SLC25A13: variants seen among roughly 807,000 people sequenced by gnomAD.
SLC25A13 encodes the protein electrogenic aspartate/glutamate antiporter SLC25A13, mitochondrial.
Under a neutral mutation model 85.5 loss-of-function variants are expected in SLC25A13, and 70 were observed. The ratio of observed to expected loss-of-function variants is 0.82; its 90% confidence interval spans 0.68 to 1.00. The LOEUF (loss-of-function observed/expected upper bound fraction) is 1.00, where lower values mean the gene tolerates loss of function less well. Ranked by LOEUF, SLC25A13 falls within the 50% of genes least tolerant of loss-of-function variation. The pLI is 0.00. For missense variants in SLC25A13, 765 were observed against 819.8 expected, an observed-to-expected ratio of 0.93 and a Z score of 0.82; for synonymous variants, 259 against 288.7, an observed-to-expected ratio of 0.90 and a Z score of 1.04.
intron 3 of SLC25A13, among the ~76,000 whole-genome samples, chr7:96,248,285 T>G (rs1797281444): frequency 6.6e-6 from 1 of 152,160 alleles, no homozygotes; most frequent in South Asian, 2.1e-4. Context: ...CTACCCGAAT[T>G]TATTTTCTTA....
chr7:96,293,851 C>T (rs1261439494), intron 2 of SLC25A13, among the ~76,000 whole-genome samples: 3 of 152,168 alleles, frequency 2.0e-5, no homozygotes, highest in Non-Finnish European at 4.4e-5. Context: ...ACTAGTTCAA[C>T]CATTGTGGAA....
intron 5 of SLC25A13, among the ~76,000 whole-genome samples, chr7:96,206,703 T>C (rs547892732): frequency 6.6e-6 from 1 of 152,224 alleles, no homozygotes; most frequent in South Asian, 2.1e-4. Flanking sequence ...CTGTGGGATG[T>C]TTCCATTTAC....
chr7:96,307,625 A>G (rs1584603345), intron 1 of SLC25A13, among the ~76,000 whole-genome samples: 1 of 152,146 alleles, frequency 6.6e-6, no homozygotes, highest in Non-Finnish European at 1.5e-5. Flanking sequence ...GCATAAATGA[A>G]ACAATATTGA....
chr7:96,315,339 T>C (rs970169313), intron 1 of SLC25A13, among the ~76,000 whole-genome samples: 4 of 152,226 alleles, frequency 2.6e-5, no homozygotes, highest in African/African-American at 9.6e-5. Context: ...TCAAAAATCC[T>C]GAGGCTCAGG....
At chr7:96,229,553 C>T (rs575210986) in intron 4 of SLC25A13, among the ~76,000 whole-genome samples, 3 of 152,292 alleles carry the variant, frequency 2.0e-5, no homozygotes, top group South Asian at 4.1e-4. Flanking sequence ...ATAAATCTTG[C>T]TGCTGCTCAC....
At chr7:96,177,596 T>G (rs1794272653) in intron 11 of SLC25A13, among the ~76,000 whole-genome samples, 1 of 152,214 alleles carries the variant, frequency 6.6e-6, no homozygotes, top group South Asian at 2.1e-4. Context: ...ATGATGCCAT[T>G]TTCACGGGGT....
At chr7:96,155,945 G>A (rs914961835) in intron 13 of SLC25A13, among the ~76,000 whole-genome samples, 1 of 152,172 alleles carries the variant, frequency 6.6e-6, no homozygotes, top group African/African-American at 2.4e-5. Context: ...TCTAACCCAC[G>A]CTCAGAACCA....
At chr7:96,300,920 C>G (rs1012711847) in intron 1 of SLC25A13, among the ~76,000 whole-genome samples, 1 of 152,194 alleles carries the variant, frequency 6.6e-6, no homozygotes, top group African/African-American at 2.4e-5. Context: ...TCCATTTATA[C>G]TGCTACCTCC....
chr7:96,208,964 T>G lies in SLC25A13; in HGVS notation c.342A>C (p.Gln114His), dbSNP rs1795575484. ...KGEVTFEDVK[Q>H]VFGQTTIHQH... Reference sequence around the variant, plus strand: ...GATGAATTGTGGTCTGTCCAAAAACTTGCTTAACATCCTCTGAAAAGAGAA... The same window carrying G: ...GATGAATTGTGGTCTGTCCAAAAACGTGCTTAACATCCTCTGAAAAGAGAA... Residue 114 changes from glutamine to histidine, a missense_variant, in exon 5 of 18, where the codon CAA becomes CAC. Physicochemically the swap from Gln to His is conservative, Grantham distance 24. Transcript: ENST00000265631. 1.2e-6 allele frequency: 2 copies of G among 1,613,986 alleles called. No homozygotes were observed. Among genetic ancestry groups the G allele is most frequent in the Admixed American group, 1.7e-5 (1 of 59,992 alleles).
rs757317844 is a variant in SLC25A13, at chr7:96,121,274, C to G, written c.1945G>C (p.Gly649Arg). The G allele has an allele frequency of 8.2e-5, 133 of 1,614,000 alleles. No individual in the cohort carries two copies. Among genetic ancestry groups the G allele is most frequent in the Middle Eastern group, 4.9e-4 (3 of 6,084 alleles). ...TAAAGTCCAAATTTGTTTTCAATCC[C>G]TGCAAATGTAGCAACTGCCAGTTTG... ...GYKLAVATFA[G>R]IENKFGLYLP... The change falls in exon 18 of 18, where the codon GGG becomes CGG. Residue 649 changes from glycine to arginine, a missense_variant. Gly to Arg is a moderately radical substitution (Grantham distance 125). Coordinates refer to ENST00000265631, the MANE Select transcript of SLC25A13 (RefSeq NM_014251.3).
intron 2 of SLC25A13, among the ~76,000 whole-genome samples, chr7:96,281,376 T>C (rs1584559082): frequency 1.6e-5 from 2 of 128,466 alleles, no homozygotes; most frequent in South Asian, 4.7e-4. Context: ...GGGCAACAAG[T>C]GCAAAACTCC....
chr7:96,148,976 CTGA>C (rs1456379140), intron 13 of SLC25A13, among the ~76,000 whole-genome samples: 1 of 152,210 alleles, frequency 6.6e-6, no homozygotes, highest in East Asian at 1.9e-4. Context: ...TTCTCCTACG[CTGA>C]TGTTTTCCTC....
chr7:96,293,031 A>T (rs543040701), intron 2 of SLC25A13, among the ~76,000 whole-genome samples: 1 of 152,366 alleles, frequency 6.6e-6, no homozygotes, highest in African/African-American at 2.4e-5. Flanking sequence ...TTCAAACTAT[A>T]CTACAAAGCT....
intron 9 of SLC25A13, among the ~76,000 whole-genome samples, chr7:96,186,486 T>G (rs933841042): frequency 6.6e-6 from 1 of 152,188 alleles, no homozygotes; most frequent in African/African-American, 2.4e-5. Flanking sequence ...TACAAGAATG[T>G]AGCACTTAAA....
At chr7:96,225,000 A>G (rs1584479064) in intron 4 of SLC25A13, among the ~76,000 whole-genome samples, 1 of 152,348 alleles carries the variant, frequency 6.6e-6, no homozygotes, top group East Asian at 1.9e-4. Context: ...AGAAAATGAG[A>G]ATTATAATAG....
intron 11 of SLC25A13, among the ~76,000 whole-genome samples, chr7:96,179,610 T>G (rs1285427788): frequency 6.6e-6 from 1 of 152,232 alleles, no homozygotes; most frequent in Admixed American, 6.5e-5. Context: ...CATTCTTATG[T>G]GGCTTCCTAT....
At chr7:96,147,954 A>G (rs1388072199) in intron 13 of SLC25A13, among the ~76,000 whole-genome samples, 1 of 151,874 alleles carries the variant, frequency 6.6e-6, no homozygotes, top group African/African-American at 2.4e-5. Flanking sequence ...ATGTATTTGA[A>G]ATTTTTTCTA....
At chr7:96,212,663 A>T (rs1008233297) in intron 4 of SLC25A13, among the ~76,000 whole-genome samples, 1 of 152,198 alleles carries the variant, frequency 6.6e-6, no homozygotes, top group Admixed American at 6.5e-5. Flanking sequence ...GCTTTGGACC[A>T]AAGCCACCTG....
intron 14 of SLC25A13, among the ~76,000 whole-genome samples, chr7:96,139,070 C>T (rs75807322): frequency 3.0e-4 from 46 of 152,298 alleles, no homozygotes; most frequent in African/African-American, 1.1e-3. Flanking sequence ...ACAACTAACA[C>T]ATCATGTGTA....
Sources: allele counts gnomAD v4.1 joint callset (sites outside exome capture counted in the v4.1 genomes callset), GRCh38; gene constraint gnomAD v4.1.1; transcripts MANE v1.5; gene names NCBI Gene and HGNC (gene_info 2026-07-23, HGNC 2026-07-21).